CA8: variants seen among roughly 807,000 people sequenced by gnomAD.
CA8 encodes carbonic anhydrase 8 (inactive).
CA8 carries 22 observed loss-of-function variants against 41.4 expected under a neutral mutation model. That is an observed-to-expected ratio of 0.53 (90% confidence interval 0.38 to 0.76). The LOEUF (loss-of-function observed/expected upper bound fraction) is 0.76, where lower values mean the gene tolerates loss of function less well. Among genes scored for constraint, CA8 ranks in the 30% least tolerant of loss-of-function variants. The pLI is 0.00. For missense variants in CA8, 270 were observed against 352.8 expected, an observed-to-expected ratio of 0.77 and a Z score of 1.88; for synonymous variants, 121 against 130.6, an observed-to-expected ratio of 0.93 and a Z score of 0.50.
At chr8:60,215,419 T>C (rs2130444135) in intron 7 of CA8, among the ~76,000 whole-genome samples, 1 of 139,666 alleles carries the variant, frequency 7.2e-6, no homozygotes, top group Admixed American at 7.1e-5. Flanking sequence ...GGGGAAAGGG[T>C]GGGAAGGGGG....
chr8:60,197,804 T>C (rs1416463183), intron 8 of CA8, among the ~76,000 whole-genome samples: 1 of 152,160 alleles, frequency 6.6e-6, no homozygotes, highest in East Asian at 1.9e-4. Context: ...AAAGGTGACC[T>C]TTGCTACAGC....
intron 8 of CA8, among the ~76,000 whole-genome samples, chr8:60,195,242 T>C (rs1806248131): frequency 6.6e-6 from 1 of 152,230 alleles, no homozygotes; most frequent in South Asian, 2.1e-4. Context: ...TCATCAGCTA[T>C]TTCAATATAG....
chr8:60,217,522 C>A (rs528897045), intron 7 of CA8, among the ~76,000 whole-genome samples: 1 of 152,312 alleles, frequency 6.6e-6, no homozygotes, highest in African/African-American at 2.4e-5. Flanking sequence ...CCCTCGTTCT[C>A]TGAATCAGTT....
intron 3 of CA8, among the ~76,000 whole-genome samples, chr8:60,253,261 T>C (rs1422474506): frequency 6.6e-6 from 1 of 151,922 alleles, no homozygotes; most frequent in East Asian, 1.9e-4. Context: ...ATAAAAACAA[T>C]ATGGATAGTA....
In CA8 at chr8:60,186,370, C is replaced by T. The variant is rs1009913513; in HGVS notation, c.*3651G>A. Reference sequence around the variant, plus strand: ...GATAAATTAACAAGTATATGATATGCCCTTTAGCAACCACTGTGAAAATAT... The same window carrying T: ...GATAAATTAACAAGTATATGATATGTCCTTTAGCAACCACTGTGAAAATAT... On this transcript the variant is annotated 3_prime_UTR_variant, in exon 9 of 9. Coordinates refer to ENST00000317995, the MANE Select transcript of CA8 (RefSeq NM_004056.6). 3.3e-5 allele frequency among the ~76,000 whole-genome samples: 5 copies of T among 149,918 alleles called. No homozygotes were observed. The highest frequency in any genetic ancestry group is 4.9e-5 in the African/African-American group (2 of 40,716).
chr8:60,224,642 T>TA, intron 5 of CA8, 57 bp from the exon 6 acceptor site: 3 of 1,103,540 alleles, frequency 2.7e-6, no homozygotes, highest in Middle Eastern at 2.7e-4. Flanking sequence ...GATTTTAGAA[T>TA]AAAAAATCTA....
At chr8:60,204,669 C>T (rs1187614840) in intron 8 of CA8, among the ~76,000 whole-genome samples, 1 of 152,138 alleles carries the variant, frequency 6.6e-6, no homozygotes, top group South Asian at 2.1e-4. Context: ...GTAGGAAATC[C>T]ATTCCAGTTG....
intron 3 of CA8, among the ~76,000 whole-genome samples, chr8:60,263,017 G>A (rs997264646): frequency 6.6e-6 from 1 of 152,180 alleles, no homozygotes; most frequent in Non-Finnish European, 1.5e-5. Context: ...TCTAAAAGGT[G>A]AGGGAAGACA....
At chr8:60,211,416 C>A (rs537930843) in intron 7 of CA8, among the ~76,000 whole-genome samples, 56 of 152,330 alleles carry the variant, frequency 3.7e-4, no homozygotes, top group African/African-American at 1.2e-3. Flanking sequence ...ATACTTAATA[C>A]CTGCAACCTG....
At chr8:60,257,878 T>C (rs1392721137) in intron 3 of CA8, among the ~76,000 whole-genome samples, 1 of 152,268 alleles carries the variant, frequency 6.6e-6, no homozygotes, top group East Asian at 1.9e-4. Flanking sequence ...TCTGATGACC[T>C]GAATCTGCAT....
intron 8 of CA8, among the ~76,000 whole-genome samples, chr8:60,192,975 A>ACACACACC (rs1554573983): frequency 2.2e-5 from 3 of 137,474 alleles, no homozygotes; most frequent in South Asian, 2.3e-4. Flanking sequence ...ACACACACAC[A>ACACACACC]CCCCACCCCA....
intron 2 of CA8, among the ~76,000 whole-genome samples, chr8:60,276,549 A>C (rs993234936): frequency 2.0e-5 from 3 of 152,246 alleles, no homozygotes; most frequent in Non-Finnish European, 4.4e-5. Flanking sequence ...GCTGGAAACA[A>C]CAGTTGCAGT....
chr8:60,255,901 G>A (rs575600366), intron 3 of CA8, among the ~76,000 whole-genome samples: 4 of 145,182 alleles, frequency 2.8e-5, no homozygotes, highest in African/African-American at 1.1e-4. Flanking sequence ...CCAACATTAC[G>A]CTATTAATTT....
At chr8:60,265,619 CA>C in intron 3 of CA8, 1 of 354,462 alleles carries the variant, frequency 2.8e-6, no homozygotes, top group Non-Finnish European at 5.3e-6. Flanking sequence ...AAAGCATCCA[CA>C]AAAATGACCT....
At chr8:60,271,908 A>G (rs1415421875) in intron 2 of CA8, among the ~76,000 whole-genome samples, 1 of 66,456 alleles carries the variant, frequency 1.5e-5, no homozygotes, top group Non-Finnish European at 3.8e-5. Context: ...AAGATTCCTG[A>G]GAGACAGTGA....
At chr8:60,241,023 G>A (rs1563363979) in intron 3 of CA8, among the ~76,000 whole-genome samples, 2 of 152,306 alleles carry the variant, frequency 1.3e-5, no homozygotes, top group East Asian at 3.9e-4. Flanking sequence ...TTAAATAACT[G>A]AGAAATAGTT....
At chr8:60,254,976 T>C (rs1808574544) in intron 3 of CA8, among the ~76,000 whole-genome samples, 2 of 152,184 alleles carry the variant, frequency 1.3e-5, no homozygotes, top group African/African-American at 4.8e-5. Flanking sequence ...TTTCCTTTAC[T>C]GATTCCCAGA....
At chr8:60,224,171 T>A (rs1807345180) in intron 6 of CA8, among the ~76,000 whole-genome samples, 1 of 152,220 alleles carries the variant, frequency 6.6e-6, no homozygotes, top group Admixed American at 6.5e-5. Context: ...AACCTCCACC[T>A]CCTGGGTTCA....
intron 3 of CA8, among the ~76,000 whole-genome samples, chr8:60,245,534 T>C (rs979180648): frequency 3.9e-5 from 6 of 152,200 alleles, no homozygotes; most frequent in African/African-American, 1.4e-4. Context: ...CTAGTGCTAA[T>C]TAAAGGGAAT....
Sources: gnomAD v4.1 joint callset for allele counts (sites outside exome capture counted in the v4.1 genomes callset) on GRCh38, gnomAD v4.1.1 for gene constraint, MANE v1.5 for transcripts, NCBI Gene and HGNC (gene_info 2026-07-23, HGNC 2026-07-21) for gene names.